SOX6: variants seen among roughly 807,000 people sequenced by gnomAD.
SOX6 encodes the protein SRY-box transcription factor 6.
SOX6 carries 11 observed loss-of-function variants against 97.8 expected under a neutral mutation model. The ratio of observed to expected loss-of-function variants is 0.11; its 90% confidence interval spans 0.07 to 0.19. The LOEUF is 0.19. SOX6 is among the 10% of genes least tolerant of loss of function. The pLI, the probability that SOX6 is intolerant of heterozygous loss-of-function variation, is 1.00. For missense variants in SOX6, 810 were observed against 1,039.5 expected (o/e 0.78, Z 3.04); for synonymous variants, 360 against 371.4 (o/e 0.97, Z 0.35).
At chr11:16,358,008 A>T (rs1165793807), upstream of SOX6, among the ~76,000 whole-genome samples, 1 of 152,200 alleles carries the variant, frequency 6.6e-6, no homozygotes, top group Non-Finnish European at 1.5e-5. Context: ...AACAAGAAAG[A>T]TCGTGGCTTT....
At chr11:16,669,676 GGA>G (rs371372025) in intron 3 of SOX6, among the ~76,000 whole-genome samples, 17 of 152,232 alleles carry the variant, frequency 1.1e-4, no homozygotes, top group African/African-American at 2.2e-4. Context: ...TCCAGGCTTG[GGA>G]GAGTCTGTGG....
At chr11:16,177,714 G>A (rs1459734085) in intron 6 of SOX6, among the ~76,000 whole-genome samples, 1 of 150,376 alleles carries the variant, frequency 6.6e-6, no homozygotes, top group Non-Finnish European at 1.5e-5. Flanking sequence ...ACATTAAACT[G>A]AGCCCTCAAT....
chr11:16,687,133 A>C (rs145954775), intron 3 of SOX6, among the ~76,000 whole-genome samples: 22 of 152,314 alleles, frequency 1.4e-4, no homozygotes, highest in African/African-American at 4.6e-4. Context: ...TCAAAAAAAC[A>C]AAAAAAGAAA....
chr11:16,347,479 A>G (rs1346624952), intron 1 of SOX6, among the ~76,000 whole-genome samples: 1 of 152,156 alleles, frequency 6.6e-6, no homozygotes, highest in Non-Finnish European at 1.5e-5. Context: ...ATGACTTTAT[A>G]GCTCAACGAA....
At chr11:16,684,401 TA>T (rs1341297250) in intron 3 of SOX6, among the ~76,000 whole-genome samples, 1 of 152,024 alleles carries the variant, frequency 6.6e-6, no homozygotes, top group African/African-American at 2.4e-5. Flanking sequence ...TATGCAGCCA[TA>T]AAAAAGGATG....
At chr11:16,616,167 C>T (rs1016711795) in intron 3 of SOX6, among the ~76,000 whole-genome samples, 4 of 152,074 alleles carry the variant, frequency 2.6e-5, no homozygotes, top group African/African-American at 9.7e-5. Flanking sequence ...ATTACCATAT[C>T]ATTCATTATA....
At chr11:16,659,480 T>C (rs1049292774) in intron 3 of SOX6, among the ~76,000 whole-genome samples, 1 of 148,380 alleles carries the variant, frequency 6.7e-6, no homozygotes. Flanking sequence ...CCAACTCTCT[T>C]ATTCTCCTTC....
At chr11:16,250,747 T>A in intron 3 of SOX6, among the ~76,000 whole-genome samples, 1 of 152,042 alleles carries the variant, frequency 6.6e-6, no homozygotes, top group East Asian at 1.9e-4. Context: ...GATTTTAACA[T>A]AGCTGCCTCA....
intron 4 of SOX6, among the ~76,000 whole-genome samples, chr11:16,514,034 A>C (rs1013455061): frequency 3.3e-5 from 5 of 152,008 alleles, no homozygotes; most frequent in Non-Finnish European, 7.4e-5. Context: ...AACAACAGTG[A>C]GACCTCCGTC....
intron 3 of SOX6, 21 bp from the exon 4 acceptor site, chr11:16,234,692 G>A (rs1310379687): frequency 7.6e-7 from 1 of 1,320,872 alleles, no homozygotes; most frequent in Non-Finnish European, 1.1e-6. Flanking sequence ...ACAAAAGTAA[G>A]TATTAAAAAT....
At chr11:16,422,624 A>T (rs571230658) in intron 1 of SOX6, among the ~76,000 whole-genome samples, 2 of 152,198 alleles carry the variant, frequency 1.3e-5, no homozygotes, top group Non-Finnish European at 2.9e-5. Flanking sequence ...GTACCATTAT[A>T]CACTTTATTC....
intron 2 of SOX6, among the ~76,000 whole-genome samples, chr11:16,328,387 A>G (rs1212933960): frequency 6.6e-6 from 1 of 152,178 alleles, no homozygotes; most frequent in Non-Finnish European, 1.5e-5. Flanking sequence ...ACACAATAGC[A>G]AAAACAACCA....
rs1853168147 is a variant in SOX6, at chr11:15,967,395, GTGC to G, written c.*5411_*5413del. 1 of 152,296 alleles carries G rather than the reference GTGC, an allele frequency of 6.6e-6. No homozygotes were observed. The highest frequency in any genetic ancestry group is 1.9e-4 in the East Asian group (1 of 5,184). 9.4% of individuals were successfully genotyped at this position (152,296 alleles called of 1,614,324 possible). A position where few individuals can be genotyped will look rare whatever the true frequency, so the allele number is the denominator to read the frequency against. ...TGTCAGTCCAGCATGTCAGTGAATT[GTGC>G]TGATTAAATTAACATAGAATACAAT... is the stretch of plus-strand genomic sequence containing the variant. On this transcript the variant is annotated 3_prime_UTR_variant, in exon 16 of 16. Transcript: ENST00000683767.
At position 16,607,931 on chromosome 11, in the gene SOX6, A is replaced by G. The variant is rs1179667457; in HGVS notation, n.609+4150T>C. Among the ~76,000 whole-genome samples the G allele has an allele frequency of 2.6e-5, 4 of 151,974 alleles. No homozygotes were observed. On this transcript the variant is annotated intron_variant and non_coding_transcript_variant, in intron 4 of 5. Transcript: ENST00000524520. The surrounding 1 kb of genome is among the most constrained non-coding windows in gnomAD (Gnocchi z 6.5). ...GGGGAGAGCGGGAGGCAAAGGCAAG[A>G]GAGAGCCGCAAAGAGAGAGGAGGGC...
chr11:16,662,077 ATTT>A (rs1362069168), intron 3 of SOX6, among the ~76,000 whole-genome samples: 1 of 152,056 alleles, frequency 6.6e-6, no homozygotes, highest in East Asian at 1.9e-4. Context: ...AAAAGGTTTT[ATTT>A]TTTTACCTCC....
intron 3 of SOX6, among the ~76,000 whole-genome samples, chr11:16,638,432 C>A (rs1391224709): frequency 6.6e-6 from 1 of 151,868 alleles, no homozygotes; most frequent in Non-Finnish European, 1.5e-5. Context: ...AGGATTATAC[C>A]CAGTAATGGG....
chr11:16,541,953 C>T (rs1861415977), intron 4 of SOX6, among the ~76,000 whole-genome samples: 1 of 152,184 alleles, frequency 6.6e-6, no homozygotes, highest in Non-Finnish European at 1.5e-5. Flanking sequence ...ACCCAGCAAT[C>T]CCATTACTGG....
At chr11:16,693,071 C>G (rs1278241729) in intron 3 of SOX6, among the ~76,000 whole-genome samples, 1 of 152,120 alleles carries the variant, frequency 6.6e-6, no homozygotes, top group East Asian at 1.9e-4. Context: ...TACTTGTACA[C>G]AAATCTTTTG....
At chr11:16,708,048 C>T (rs1449549546) in intron 3 of SOX6, among the ~76,000 whole-genome samples, 2 of 152,118 alleles carry the variant, frequency 1.3e-5, no homozygotes, top group Admixed American at 6.5e-5. Flanking sequence ...TTTCCAACAG[C>T]AAACAGTAAT....
Sources: gnomAD v4.1 joint callset for allele counts (sites outside exome capture counted in the v4.1 genomes callset) on GRCh38, gnomAD v4.1.1 for gene constraint, Gnocchi (gnomAD v3.1) non-coding constraint, MANE v1.5 for transcripts, NCBI Gene and HGNC (gene_info 2026-07-23, HGNC 2026-07-21) for gene names.